The following PTPRS variants were observed in gnomAD, a reference collection of about 807,000 sequenced individuals.
PTPRS encodes the protein protein tyrosine phosphatase receptor type S.
PTPRS carries 63 observed loss-of-function variants against 215.3 expected under a neutral mutation model. That is an observed-to-expected ratio of 0.29 (90% CI 0.24 to 0.36). The LOEUF is 0.36. Ranked by LOEUF, PTPRS falls within the 10% of genes least tolerant of loss-of-function variation. The pLI is 1.00. For synonymous variants in PTPRS, 1,404 were observed against 1,191.4 expected (o/e 1.18, Z -3.68); for missense variants, 2,258 against 2,825.8 (o/e 0.80, Z 4.56).
chr19:5,311,224 G>A (rs1048377210), intron 1 of PTPRS, among the ~76,000 whole-genome samples: 7 of 152,132 alleles, frequency 4.6e-5, no homozygotes, highest in African/African-American at 1.7e-4. Flanking sequence ...TGGCCAGGCT[G>A]GTCTCGAACT....
chr19:5,223,560 ATTTTTTTTT>A (rs35490567), intron 17 of PTPRS, among the ~76,000 whole-genome samples: 104 of 129,056 alleles, frequency 8.1e-4, no homozygotes, highest in African/African-American at 3.0e-3. Flanking sequence ...TGCGGTTGTG[ATTTTTTTTT>A]TTTTTTTTTT....
intron 1 of PTPRS, among the ~76,000 whole-genome samples, chr19:5,333,890 C>G (rs894505853): frequency 6.6e-6 from 1 of 152,186 alleles, no homozygotes. Context: ...TGCATGCTCG[C>G]TCGCACACCA....
intron 1 of PTPRS, among the ~76,000 whole-genome samples, chr19:5,300,309 C>T (rs1198806204): frequency 2.1e-5 from 3 of 143,480 alleles, no homozygotes; most frequent in East Asian, 2.0e-4. Context: ...CAAGTCACAC[C>T]GGCCACATTT....
At chr19:5,277,061 T>G (rs1392557431) in intron 2 of PTPRS, among the ~76,000 whole-genome samples, 10 of 150,248 alleles carry the variant, frequency 6.7e-5, no homozygotes, top group East Asian at 2.0e-4. Context: ...TTTTGTGTTT[T>G]TTTTTTTTTT....
Position 5,239,037 on chromosome 19 carries a change from A to G in PTPRS, c.1731T>C (p.Thr577=). The stretch of plus-strand genomic sequence containing the variant: ...GCTTCAGGTCCTCCACCACGTAGGA[A>G]GTCGTCGGGTCGAAGGTCCTTCCCA... ...REVGRTFDPT[T]SYVVEDLKPN... The change falls in exon 13 of 38, where the codon ACT becomes ACC. Residue 577 remains threonine (T), a synonymous_variant. Transcript: ENST00000262963. 6.2e-7 allele frequency: 1 copy of G among 1,613,026 alleles called. No individual in the cohort carries two copies. Among genetic ancestry groups the G allele is most frequent in the Non-Finnish European group, 8.5e-7 (1 of 1,179,552 alleles).
In PTPRS at chr19:5,293,269, G is replaced by T. The variant is rs560510655; in HGVS notation, c.-94-7035C>A. The stretch of plus-strand genomic sequence containing the variant: ...AGACTCGGGAGAGGCCTCGGCCTGG[G>T]GAGCTCGGCCTGGGGGCGGGGCAAG... On this transcript the variant is annotated intron_variant, in intron 1 of 37. Coordinates refer to ENST00000262963, the MANE Select transcript of PTPRS (RefSeq NM_002850.4). This position sits in a 1 kb window ranked among gnomAD's most constrained non-coding sequence, Gnocchi z 8.4. 6.6e-6 allele frequency: 1 copy of T among 151,382 alleles called. No individual in the cohort carries two copies. Among genetic ancestry groups the T allele is most frequent in the African/African-American group, 2.4e-5 (1 of 41,226 alleles). The allele number at this position is 151,382 out of a possible 1,614,324, so 9.4% of individuals were successfully genotyped here.
At chr19:5,248,031 G>A (rs1164232305) in intron 9 of PTPRS, among the ~76,000 whole-genome samples, 1 of 147,408 alleles carries the variant, frequency 6.8e-6, no homozygotes, top group Non-Finnish European at 1.5e-5. Flanking sequence ...GAGGTGCCGT[G>A]AGATGGGGGG....
At chr19:5,316,913 T>G (rs959674785) in intron 1 of PTPRS, among the ~76,000 whole-genome samples, 1 of 152,226 alleles carries the variant, frequency 6.6e-6, no homozygotes, top group Non-Finnish European at 1.5e-5. Flanking sequence ...ACCGGGGACC[T>G]GGCTTCTCCC....
intron 23 of PTPRS, 90 bp from the exon 24 acceptor site, chr19:5,218,888 T>G (rs1447329899): frequency 1.5e-6 from 2 of 1,340,524 alleles, no homozygotes; most frequent in African/African-American, 2.9e-5. Flanking sequence ...TCTGTGACTC[T>G]CAGTGCCTTC....
intron 13 of PTPRS, among the ~76,000 whole-genome samples, chr19:5,236,590 G>A (rs1221240522): frequency 6.6e-6 from 1 of 152,196 alleles, no homozygotes; most frequent in Non-Finnish European, 1.5e-5. Context: ...TGTTTACTGA[G>A]TACTTACTAT....
chr19:5,216,887 G>C (rs2041524345), intron 25 of PTPRS, 120 bp from the exon 26 acceptor site: 3 of 663,980 alleles, frequency 4.5e-6, no homozygotes, highest in Admixed American at 4.8e-5. Flanking sequence ...GCGGACAACG[G>C]GGGGTATGTA....
intron 4 of PTPRS, among the ~76,000 whole-genome samples, chr19:5,270,212 A>G (rs1170797176): frequency 6.6e-6 from 1 of 152,172 alleles, no homozygotes; most frequent in South Asian, 2.1e-4. Flanking sequence ...CACGCAAATG[A>G]AATTGTGGGG....
At chr19:5,303,923 C>G (rs1393436187) in intron 1 of PTPRS, among the ~76,000 whole-genome samples, 1 of 54,786 alleles carries the variant, frequency 1.8e-5, no homozygotes, top group African/African-American at 1.5e-4. Flanking sequence ...TGCACTCCAG[C>G]CTGGGTGACA....
chr19:5,220,164 C>CAG lies in PTPRS; in HGVS notation c.3550-12_3550-11dup. ...AGATGTCCTGGATGAGCTGCGGGAA[C>CAG]AGAGTCATGGGTGGCTCAGAGCTCA... On this transcript the variant is annotated splice_polypyrimidine_tract_variant and intron_variant, in intron 21 of 37. Transcript: ENST00000262963. The CAG allele has an allele frequency of 2.5e-6, 4 of 1,610,062 alleles. No individual in the cohort carries two copies. The highest frequency in any genetic ancestry group is 3.4e-6 in the Non-Finnish European group (4 of 1,178,028).
intron 4 of PTPRS, among the ~76,000 whole-genome samples, chr19:5,268,696 G>A (rs2046640549): frequency 6.6e-6 from 1 of 152,198 alleles, no homozygotes. Context: ...CCCAGGCGCA[G>A]CGCAGGCAAC....
intron 1 of PTPRS, among the ~76,000 whole-genome samples, chr19:5,288,104 A>AT (rs1195330341): frequency 1.3e-5 from 2 of 152,056 alleles, no homozygotes; most frequent in African/African-American, 4.8e-5. Flanking sequence ...AAAGATACAC[A>AT]TAAGGGGTCA....
Position 5,208,056 on chromosome 19 carries a change from C to A in PTPRS, c.5644G>T (p.Ala1882Ser). 6.2e-7 allele frequency: 1 copy of A among 1,610,634 alleles called. No homozygotes were observed. Among genetic ancestry groups the A allele is most frequent in the Non-Finnish European group, 8.5e-7 (1 of 1,177,988 alleles). The part of the protein sequence containing the change: ...QDGPISVHCS[A>S]GVGRTGVFIT... The stretch of plus-strand genomic sequence containing the variant: ...AAGACGCCCGTCCTGCCCACGCCGG[C>A]ACTGGTGGCAGTAAAGTGAGCACAG... Residue 1882 changes from alanine (A) to serine (S), a missense_variant and splice_region_variant, in exon 37 of 38, where the codon GCC (alanine) becomes TCC (serine). Physicochemically the swap from Ala to Ser is moderately conservative, Grantham distance 99. Coordinates refer to ENST00000262963, the MANE Select transcript of PTPRS (RefSeq NM_002850.4).
intron 14 of PTPRS, among the ~76,000 whole-genome samples, chr19:5,230,696 T>C (rs1429024923): frequency 1.3e-5 from 2 of 152,180 alleles, no homozygotes; most frequent in African/African-American, 2.4e-5. Flanking sequence ...CCGAGACTCA[T>C]ATGATCCTCC....
At chr19:5,256,173 A>G in intron 8 of PTPRS, 54 bp from the exon 9 acceptor site, 1 of 1,441,198 alleles carries the variant, frequency 6.9e-7, no homozygotes, top group Non-Finnish European at 9.5e-7. Context: ...GGAAGAAGAG[A>G]AAAAATAGGG....
Sources: allele counts gnomAD v4.1 joint callset (sites outside exome capture counted in the v4.1 genomes callset), GRCh38; gene constraint gnomAD v4.1.1; non-coding constraint Gnocchi (gnomAD v3.1); transcripts MANE v1.5; gene names NCBI Gene and HGNC (gene_info 2026-07-23, HGNC 2026-07-21).